The following TSPO variants were observed in gnomAD, a reference collection of about 807,000 sequenced individuals.
TSPO encodes translocator protein.
In TSPO, 14 loss-of-function variants were observed where a neutral mutation model predicts 13.9. The observed-to-expected ratio is 1.01, with a 90% CI of 0.67 to 1.58. The LOEUF is 1.58. Among genes scored for constraint, TSPO ranks in the 40% most tolerant of loss-of-function variants. TSPO has a pLI of 0.00. For synonymous variants in TSPO, 114 were observed against 105.9 expected, an observed-to-expected ratio of 1.08 and a Z score of -0.47; for missense variants, 232 against 229.6, an observed-to-expected ratio of 1.01 and a Z score of -0.07.
At chr22:43,158,205 G>A (rs569851168) in intron 1 of TSPO, among the ~76,000 whole-genome samples, 1 of 152,242 alleles carries the variant, frequency 6.6e-6, no homozygotes, top group South Asian at 2.1e-4. Flanking sequence ...GTGTTCCCCT[G>A]GGACGAAAGT....
chr22:43,158,544 G>A (rs1441385483), intron 1 of TSPO, among the ~76,000 whole-genome samples: 1 of 152,166 alleles, frequency 6.6e-6, no homozygotes, highest in Non-Finnish European at 1.5e-5. Context: ...AGAGTGCAGT[G>A]TGGCCCCAGG....
At chr22:43,160,113 G>A (rs1413701036) in intron 2 of TSPO, among the ~76,000 whole-genome samples, 1 of 152,162 alleles carries the variant, frequency 6.6e-6, no homozygotes, top group African/African-American at 2.4e-5. Context: ...CAGGCCAGGT[G>A]CCCGGCTCTG....
At chr22:43,162,523 C>T (rs763324217) in intron 3 of TSPO, among the ~76,000 whole-genome samples, 3 of 152,286 alleles carry the variant, frequency 2.0e-5, no homozygotes, top group South Asian at 4.1e-4. Context: ...TGCAAGACCT[C>T]CTAAGCCACC....
At chr22:43,156,313 G>A (rs1158537448) in intron 1 of TSPO, among the ~76,000 whole-genome samples, 3 of 152,230 alleles carry the variant, frequency 2.0e-5, no homozygotes, top group Non-Finnish European at 4.4e-5. Context: ...GAGTCCCATT[G>A]TGATTTCCTG....
chr22:43,157,605 A>C (rs1028400514), intron 1 of TSPO, among the ~76,000 whole-genome samples: 1 of 152,132 alleles, frequency 6.6e-6, no homozygotes, highest in Admixed American at 6.5e-5. Flanking sequence ...TGAGGCAGGC[A>C]GATCAACTCA....
chr22:43,159,306 C>T lies in TSPO; in HGVS notation c.68C>T (p.Ser23Phe). 1 of 1,551,408 alleles carries T rather than the reference C, an allele frequency of 6.4e-7. No homozygotes were observed. Among genetic ancestry groups the T allele is most frequent in the Non-Finnish European group, 8.7e-7 (1 of 1,147,832 alleles). ...CCCAGCCTGGGGTGCTTCGTGGGCT[C>T]CCGCTTTGTCCACGGCGAGGGTCTC... ...LAPSLGCFVG[S>F]RFVHGEGLRW... is the part of the protein sequence containing the mutation. Residue 23 changes from serine (S) to phenylalanine (F), a missense_variant, in exon 2 of 4, where the codon TCC becomes TTC. Transcript: ENST00000337554.
intron 1 of TSPO, among the ~76,000 whole-genome samples, chr22:43,155,481 G>C (rs1253886599): frequency 6.6e-6 from 1 of 152,236 alleles, no homozygotes; most frequent in East Asian, 1.9e-4. Flanking sequence ...CACCTGTGGA[G>C]TGTCCAGGGG....
chr22:43,155,830 T>C (rs2284099), intron 1 of TSPO, among the ~76,000 whole-genome samples: 76,457 of 152,122 alleles, frequency 0.5, 22,771 homozygotes, highest in East Asian at 0.98. Context: ...GCCTGAGTCC[T>C]GTCCCTGCCA....
chr22:43,156,452 G>A (rs1931251574), intron 1 of TSPO, among the ~76,000 whole-genome samples: 1 of 151,864 alleles, frequency 6.6e-6, no homozygotes, highest in South Asian at 2.1e-4. Context: ...CCAGACACGA[G>A]GGCCACACAC....
At chr22:43,160,314 C>T (rs967702573) in intron 2 of TSPO, among the ~76,000 whole-genome samples, 2 of 152,198 alleles carry the variant, frequency 1.3e-5, no homozygotes, top group Admixed American at 6.5e-5. Flanking sequence ...TAAGGCGAAC[C>T]CCTCATTAGT....
At chr22:43,154,313 CTTA>C in intron 1 of TSPO, among the ~76,000 whole-genome samples, 1 of 151,976 alleles carries the variant, frequency 6.6e-6, no homozygotes, top group East Asian at 1.9e-4. Context: ...GGACACATTC[CTTA>C]TTGTGTTTCT....
intron 1 of TSPO, among the ~76,000 whole-genome samples, chr22:43,157,552 G>A (rs1045595153): frequency 6.6e-6 from 1 of 152,154 alleles, no homozygotes; most frequent in Non-Finnish European, 1.5e-5. Context: ...AAAACGTGCC[G>A]GGCGCGGTGG....
At chr22:43,154,967 G>T (rs1008422854) in intron 1 of TSPO, among the ~76,000 whole-genome samples, 4 of 152,092 alleles carry the variant, frequency 2.6e-5, no homozygotes, top group African/African-American at 9.7e-5. Context: ...GTTCAGAGGT[G>T]GGGTGGAGTG....
intron 1 of TSPO, among the ~76,000 whole-genome samples, chr22:43,155,497 G>A (rs764762982): frequency 1.1e-4 from 17 of 152,318 alleles, no homozygotes; most frequent in African/African-American, 3.6e-4. Flanking sequence ...AGGGGCTCTC[G>A]TGGCTGATAA....
chr22:43,159,251 T>C lies in TSPO; in HGVS notation c.13T>C (p.Trp5Arg), dbSNP rs753849621. Reference sequence around the variant, plus strand: ...AGCTGCAGCAGCCATGGCCCCGCCCTGGGTGCCCGCCATGGGCTTCACGCT... The same window carrying C: ...AGCTGCAGCAGCCATGGCCCCGCCCCGGGTGCCCGCCATGGGCTTCACGCT... MAPP[W>R]VPAMGFTLAP... Residue 5 changes from tryptophan (W) to arginine (R), a missense_variant, in exon 2 of 4, where the codon TGG becomes CGG. Trp to Arg is a moderately radical substitution (Grantham distance 101). Transcript: ENST00000337554. 2 of 1,556,048 alleles carry C rather than the reference T, an allele frequency of 1.3e-6. No individual in the cohort carries two copies. The highest frequency in any genetic ancestry group is 3.8e-5 in the Admixed American group (2 of 52,104).
chr22:43,162,176 C>T (rs1406559863), intron 3 of TSPO, among the ~76,000 whole-genome samples: 2 of 151,412 alleles, frequency 1.3e-5, no homozygotes, highest in African/African-American at 4.9e-5. Context: ...GGCTGGAGTG[C>T]AGTGGCGTGA....
In TSPO at chr22:43,159,283, C is replaced by T. The variant is rs750349204; in HGVS notation, c.45C>T (p.Pro15=). The change falls in exon 2 of 4, where the codon CCC becomes CCT. Residue 15 remains proline (P), a synonymous_variant. Transcript: ENST00000337554. ...WVPAMGFTLA[P]SLGCFVGSRF... The stretch of plus-strand genomic sequence containing the variant: ...CCGCCATGGGCTTCACGCTGGCGCC[C>T]AGCCTGGGGTGCTTCGTGGGCTCCC... 1.3e-6 allele frequency: 2 copies of T among 1,555,020 alleles called. No homozygotes were observed. Among genetic ancestry groups the T allele is most frequent in the Non-Finnish European group, 1.7e-6 (2 of 1,149,874 alleles).
chr22:43,162,827 A>G lies in TSPO; in HGVS notation c.346A>G (p.Ser116Gly). 6.3e-7 allele frequency: 1 copy of G among 1,585,926 alleles called. No homozygotes were observed. The highest frequency in any genetic ancestry group is 1.1e-5 in the South Asian group (1 of 87,348). Residue 116 changes from serine to glycine, a missense_variant, in exon 4 of 4, where the codon AGT becomes GGT. Transcript: ENST00000337554. The part of the protein sequence containing the change: ...GWALVDLLLV[S>G]GAAAATTVAW... ...GGCCTTGGTGGATCTCCTGCTGGTCAGTGGGGCGGCGGCAGCCACTACCGT... is the reference window on the plus strand; with the variant it reads ...GGCCTTGGTGGATCTCCTGCTGGTCGGTGGGGCGGCGGCAGCCACTACCGT...
chr22:43,161,753 T>C (rs961569500), intron 3 of TSPO, among the ~76,000 whole-genome samples: 4 of 152,002 alleles, frequency 2.6e-5, no homozygotes, highest in African/African-American at 4.8e-5. Flanking sequence ...CTACCCGCCT[T>C]GGCCTCTCAA....
Sources: allele counts gnomAD v4.1 joint callset (sites outside exome capture counted in the v4.1 genomes callset), GRCh38; gene constraint gnomAD v4.1.1; transcripts MANE v1.5; gene names NCBI Gene and HGNC (gene_info 2026-07-23, HGNC 2026-07-21).